The following CEP63 variants were observed in gnomAD, a reference collection of about 807,000 sequenced individuals.
CEP63 encodes the protein centrosomal protein of 63 kDa.
A neutral mutation model predicts 89.1 loss-of-function variants in CEP63; 84 were observed. The observed-to-expected ratio is 0.94, with a 90% CI of 0.79 to 1.13. The LOEUF (loss-of-function observed/expected upper bound fraction) is 1.13, where lower values mean the gene tolerates loss of function less well. Among genes scored for constraint, CEP63 ranks in the 50% most tolerant of loss-of-function variants. The pLI is 0.00. For missense variants in CEP63, 838 were observed against 813.3 expected (o/e 1.03, Z -0.37); for synonymous variants, 267 against 272.5 (o/e 0.98, Z 0.20).
At chr3:134,582,072 A>G (rs1227267997) in intron 10 of CEP63, among the ~76,000 whole-genome samples, 1 of 152,196 alleles carries the variant, frequency 6.6e-6, no homozygotes, top group Non-Finnish European at 1.5e-5. Context: ...TAAAGTGTCC[A>G]TCTGTCAGAA....
the CEP63 span, among the ~76,000 whole-genome samples, chr3:134,773,840 C>T: frequency 6.6e-6 from 1 of 152,202 alleles, no homozygotes; most frequent in Non-Finnish European, 1.5e-5. Flanking sequence ...GTTTCTTCTA[C>T]ATAGCCTTAC....
chr3:134,549,391 T>C (rs957188137), intron 10 of CEP63, among the ~76,000 whole-genome samples: 16 of 152,206 alleles, frequency 1.1e-4, no homozygotes, highest in African/African-American at 3.9e-4. Context: ...TTTAAGATAA[T>C]TGAAGGCTGT....
intron 3 of CEP63, among the ~76,000 whole-genome samples, chr3:134,530,160 A>T (rs1949572420): frequency 6.6e-6 from 1 of 152,178 alleles, no homozygotes; most frequent in Admixed American, 6.5e-5. Context: ...GGCATGAGCC[A>T]CCGCGCCCAA....
At chr3:134,610,099 T>A in the CEP63 span, 10 of 1,352,390 alleles carry the variant, frequency 7.4e-6, no homozygotes, top group African/African-American at 1.0e-4. Flanking sequence ...CTCCTTCCCC[T>A]CCCGCTTGGT....
the CEP63 span, among the ~76,000 whole-genome samples, chr3:134,747,949 C>T: frequency 1.3e-5 from 2 of 152,094 alleles, no homozygotes; most frequent in Non-Finnish European, 2.9e-5. Flanking sequence ...CCATGCCCGG[C>T]TAATTTTTGT....
the CEP63 span, among the ~76,000 whole-genome samples, chr3:134,657,496 A>G: frequency 6.6e-6 from 1 of 152,336 alleles, no homozygotes; most frequent in East Asian, 1.9e-4. Context: ...ATAGTTTACT[A>G]AAAACTCTTC....
At chr3:134,605,832 T>C in the CEP63 span, among the ~76,000 whole-genome samples, 1 of 152,162 alleles carries the variant, frequency 6.6e-6, no homozygotes, top group Admixed American at 6.5e-5. Context: ...CTCCCCTCTT[T>C]GCGACCCCCA....
chr3:134,551,749 A>ATG (rs1437546717), intron 11 of CEP63, among the ~76,000 whole-genome samples, 177 bp from the exon 12 acceptor site: 7 of 18,090 alleles, frequency 3.9e-4, no homozygotes, highest in East Asian at 4.3e-3. Flanking sequence ...ATATATATAT[A>ATG]TATATACACA....
the CEP63 span, among the ~76,000 whole-genome samples, chr3:134,631,352 T>C: frequency 6.6e-6 from 1 of 152,194 alleles, no homozygotes. Context: ...CAAGAGAATT[T>C]GGTACCAACA....
the CEP63 span, among the ~76,000 whole-genome samples, chr3:134,717,149 G>T: frequency 6.6e-6 from 1 of 152,240 alleles, no homozygotes; most frequent in Admixed American, 6.5e-5. Context: ...AGGCAGGTCA[G>T]TTGATACTGA....
chr3:134,720,512 G>T, the CEP63 span, among the ~76,000 whole-genome samples: 1 of 151,904 alleles, frequency 6.6e-6, no homozygotes, highest in Non-Finnish European at 1.5e-5. Flanking sequence ...TGTGCTTTTG[G>T]TGTCATACAT....
chr3:134,767,177 C>G, the CEP63 span, among the ~76,000 whole-genome samples: 2 of 152,100 alleles, frequency 1.3e-5, no homozygotes, highest in African/African-American at 4.8e-5. Context: ...AGTGATTTGG[C>G]CTTTCAAACC....
At chr3:134,708,137 C>A in the CEP63 span, among the ~76,000 whole-genome samples, 1 of 152,212 alleles carries the variant, frequency 6.6e-6, no homozygotes, top group Admixed American at 6.5e-5. Context: ...TCAATCCTTG[C>A]ACCCTTGCTT....
At chr3:134,604,927 G>T in the CEP63 span, among the ~76,000 whole-genome samples, 77 of 152,270 alleles carry the variant, frequency 5.1e-4, 1 homozygote, top group East Asian at 0.014. Flanking sequence ...TCATGTCAAC[G>T]CATTGTCCTT....
At chr3:134,595,463 G>T in the CEP63 span, among the ~76,000 whole-genome samples, 3 of 152,222 alleles carry the variant, frequency 2.0e-5, no homozygotes, top group South Asian at 6.2e-4. Context: ...TCATTATTTT[G>T]GTCTGAGCCC....
At chr3:134,639,949 C>CAAAAAAAAAAA in the CEP63 span, 1 of 49,654 alleles carries the variant, frequency 2.0e-5, no homozygotes, top group African/African-American at 8.9e-5. Context: ...CACCCTGTCT[C>CAAAAAAAAAAA]AAAAAAAAAA....
chr3:134,603,070 G>A, the CEP63 span: 2 of 152,726 alleles, frequency 1.3e-5, no homozygotes, highest in Admixed American at 1.3e-4. Flanking sequence ...GGAGAAGATA[G>A]TCCAAGATTC....
the CEP63 span, among the ~76,000 whole-genome samples, chr3:134,610,960 G>A: frequency 2.0e-5 from 3 of 152,212 alleles, no homozygotes; most frequent in African/African-American, 7.2e-5. Flanking sequence ...GATGCCTGCA[G>A]GGGAACCCCG....
At chr3:134,554,153 T>A (rs1955562504) in intron 12 of CEP63, among the ~76,000 whole-genome samples, 1 of 152,158 alleles carries the variant, frequency 6.6e-6, no homozygotes, top group Non-Finnish European at 1.5e-5. Context: ...TACCTATGTA[T>A]ACATGTGCCA....
Sources: allele counts gnomAD v4.1 joint callset (sites outside exome capture counted in the v4.1 genomes callset), GRCh38; gene constraint gnomAD v4.1.1; transcripts MANE v1.5; gene names NCBI Gene and HGNC (gene_info 2026-07-23, HGNC 2026-07-21).